Variants in ANO2 observed in about 807,000 individuals in gnomAD.
ANO2 encodes anoctamin-2.
In ANO2, 101 loss-of-function variants were observed where a neutral mutation model predicts 124.2. That is an observed-to-expected ratio of 0.81 (90% CI 0.69 to 0.96). The LOEUF (loss-of-function observed/expected upper bound fraction) is 0.96, where lower values mean the gene tolerates loss of function less well. Among genes scored for constraint, ANO2 ranks in the 40% least tolerant of loss-of-function variants. The pLI is 0.00. For synonymous variants in ANO2, 486 were observed against 482.5 expected (o/e 1.01, Z -0.09); for missense variants, 1,293 against 1,274.5 (o/e 1.01, Z -0.22).
At chr12:5,594,510 A>G (rs1943564657) in intron 20 of ANO2, among the ~76,000 whole-genome samples, 1 of 152,086 alleles carries the variant, frequency 6.6e-6, no homozygotes, top group Admixed American at 6.5e-5. Flanking sequence ...AACCTTCCAT[A>G]CCTCAAAACT....
chr12:5,620,404 C>T (rs1233472601), intron 16 of ANO2, among the ~76,000 whole-genome samples: 3 of 152,268 alleles, frequency 2.0e-5, no homozygotes, highest in Non-Finnish European at 4.4e-5. Flanking sequence ...GATCCTTTGG[C>T]GCTACTTTGC....
intron 1 of ANO2, among the ~76,000 whole-genome samples, chr12:5,924,104 T>C (rs904370932): frequency 2.6e-5 from 4 of 152,168 alleles, no homozygotes; most frequent in Admixed American, 6.5e-5. Context: ...ACACCTTATG[T>C]CTCCAACTCA....
At chr12:5,869,472 T>C (rs541301569) in intron 3 of ANO2, among the ~76,000 whole-genome samples, 1 of 152,196 alleles carries the variant, frequency 6.6e-6, no homozygotes, top group East Asian at 1.9e-4. Context: ...AAAATGAGGG[T>C]GGGCATCATC....
At chr12:5,698,412 A>G (rs547429289) in intron 14 of ANO2, among the ~76,000 whole-genome samples, 11 of 152,314 alleles carry the variant, frequency 7.2e-5, no homozygotes, top group Middle Eastern at 3.4e-3. Flanking sequence ...AAACTAACAA[A>G]CAGAAAGGAC....
chr12:5,934,105 A>C (rs182826470), intron 1 of ANO2, among the ~76,000 whole-genome samples: 3 of 152,196 alleles, frequency 2.0e-5, no homozygotes, highest in African/African-American at 7.2e-5. Context: ...AACACTTTAC[A>C]TGTGTCAGAC....
intron 13 of ANO2, among the ~76,000 whole-genome samples, chr12:5,737,261 C>G (rs1355995351): frequency 6.6e-6 from 1 of 152,236 alleles, no homozygotes; most frequent in Non-Finnish European, 1.5e-5. Flanking sequence ...GGAAAGTCTC[C>G]TTAGGCCCTG....
At chr12:5,677,113 G>A (rs1051233547) in intron 14 of ANO2, among the ~76,000 whole-genome samples, 2 of 151,458 alleles carry the variant, frequency 1.3e-5, no homozygotes, top group African/African-American at 2.4e-5. Flanking sequence ...GAGAAGAGAC[G>A]GGGGTCTCAG....
Position 5,635,130 on chromosome 12 carries a change from A to T in ANO2, c.1816+22T>A, listed in dbSNP as rs186063968. On this transcript the variant is annotated intron_variant, in intron 16 of 24. Coordinates refer to ENST00000682330, the MANE Select transcript of ANO2 (RefSeq NM_001364791.2). The surrounding 1 kb of genome is among the most constrained non-coding windows in gnomAD (Gnocchi z 5.2). ...GACTTAAAGAGGGCCTAGGACAGCC[A>T]GAAGTCTCGGTGACACAGTACCAAT... The T allele has an allele frequency of 8.4e-4, 1,295 of 1,543,348 alleles. 3 individuals are homozygous for T. Among genetic ancestry groups the T allele is most frequent in the Middle Eastern group, 2.7e-3 (14 of 5,184 alleles).
rs139087138 is a variant in ANO2 at position 5,853,607 on chromosome 12, T to A, written c.633+436A>T. Among the ~76,000 whole-genome samples the A allele has an allele frequency of 1.1e-4, 17 of 152,146 alleles. 1 individual carries two copies. The East Asian group carries it at 3.3e-3, about 29-fold the overall frequency. ...CCAAACACAATATTTAGTGGCAGAA[T>A]CATAACCAGAATAGGTTTCTCCACA... is the stretch of plus-strand genomic sequence containing the variant. On this transcript the variant is annotated intron_variant, in intron 4 of 24. Coordinates refer to ENST00000682330, the MANE Select transcript of ANO2 (RefSeq NM_001364791.2).
chr12:5,871,522 G>A (rs981115388), intron 3 of ANO2, among the ~76,000 whole-genome samples: 8 of 152,206 alleles, frequency 5.3e-5, no homozygotes, highest in Admixed American at 3.3e-4. Context: ...CACCACGTGA[G>A]TGCCACCTCC....
At chr12:5,684,822 G>C (rs1343124323) in intron 14 of ANO2, among the ~76,000 whole-genome samples, 1 of 152,198 alleles carries the variant, frequency 6.6e-6, no homozygotes, top group Non-Finnish European at 1.5e-5. Context: ...ATCCCAGAGA[G>C]AAGCTGGTGC....
At position 5,565,635 on chromosome 12, in the gene ANO2, C is replaced by T. The variant is rs541138705; in HGVS notation, c.2650G>A (p.Ala884Thr). 1.1e-5 allele frequency: 17 copies of T among 1,603,216 alleles called. No homozygotes were observed. The highest frequency in any genetic ancestry group is 1.6e-4 in the Middle Eastern group (1 of 6,078). ...RFKDYREPPW[A>T]PNPYEFSKQY... The stretch of plus-strand genomic sequence containing the variant: ...TTCGAAAACTCATAAGGGTTCGGGG[C>T]CCATGGCGGCTCTCGGTAATCCTTA... The change falls in exon 24 of 25, where the codon GCC becomes ACC. Residue 884 changes from alanine to threonine, a missense_variant. By Grantham distance (58) the Ala-to-Thr change is moderately conservative (BLOSUM62 0). Transcript: ENST00000682330.
chr12:5,924,811 C>T (rs1004960868), intron 1 of ANO2, among the ~76,000 whole-genome samples: 4 of 152,172 alleles, frequency 2.6e-5, no homozygotes, highest in African/African-American at 7.2e-5. Flanking sequence ...TGCTTTTCCC[C>T]GTTAAATATT....
intron 14 of ANO2, among the ~76,000 whole-genome samples, chr12:5,719,934 CT>C (rs1346983361): frequency 4.6e-5 from 7 of 152,340 alleles, no homozygotes; most frequent in Admixed American, 3.3e-4. Flanking sequence ...GAGAGTCTAC[CT>C]CCCCCAGAAT....
At chr12:5,571,719 CTT>C (rs1440739061) in intron 23 of ANO2, among the ~76,000 whole-genome samples, 1 of 152,154 alleles carries the variant, frequency 6.6e-6, no homozygotes, top group Non-Finnish European at 1.5e-5. Context: ...CTCTCTCTCT[CTT>C]CCATGTACAC....
intron 3 of ANO2, among the ~76,000 whole-genome samples, chr12:5,869,706 A>G (rs1415087843): frequency 6.6e-6 from 1 of 152,248 alleles, no homozygotes; most frequent in African/African-American, 2.4e-5. Context: ...GTAGAGGGGA[A>G]ATGATGAGGC....
intron 14 of ANO2, among the ~76,000 whole-genome samples, chr12:5,683,402 A>G (rs1306746133): frequency 6.6e-6 from 1 of 152,182 alleles, no homozygotes; most frequent in Non-Finnish European, 1.5e-5. Context: ...TTTGATACAC[A>G]AAAAGCCCCC....
At chr12:5,672,798 GA>G (rs1354688920) in intron 14 of ANO2, among the ~76,000 whole-genome samples, 2 of 152,076 alleles carry the variant, frequency 1.3e-5, no homozygotes, top group East Asian at 3.9e-4. Context: ...GGAGCACTTA[GA>G]AAAAAAATTA....
intron 15 of ANO2, among the ~76,000 whole-genome samples, chr12:5,638,678 G>A (rs1247417499): frequency 6.6e-6 from 1 of 151,928 alleles, no homozygotes; most frequent in Non-Finnish European, 1.5e-5. Context: ...CACATTCTGT[G>A]CCTTAAGCCA....
Sources: allele counts gnomAD v4.1 joint callset (sites outside exome capture counted in the v4.1 genomes callset), GRCh38; gene constraint gnomAD v4.1.1; non-coding constraint Gnocchi (gnomAD v3.1); transcripts MANE v1.5; gene names NCBI Gene and HGNC (gene_info 2026-07-23, HGNC 2026-07-21).